MYO9B: variants seen among roughly 807,000 people sequenced by gnomAD.
MYO9B encodes unconventional myosin-IXb.
In MYO9B, 71 loss-of-function variants were observed where a neutral mutation model predicts 229.5. That is an observed-to-expected ratio of 0.31 (90% CI 0.26 to 0.38). The LOEUF (loss-of-function observed/expected upper bound fraction) is 0.38. Ranked by LOEUF, MYO9B falls within the 10% of genes least tolerant of loss-of-function variation. The probability of loss-of-function intolerance (pLI) is 1.00; values close to 1 mark genes in which losing one functional copy is unlikely to be tolerated. For missense variants in MYO9B, 2,255 were observed against 2,920.5 expected, an observed-to-expected ratio of 0.77 and a Z score of 5.25; for synonymous variants, 1,185 against 1,235.8, an observed-to-expected ratio of 0.96 and a Z score of 0.86.
Position 17,156,977 on chromosome 19 carries a change from G to T in MYO9B, c.1268G>T (p.Arg423Leu). 1 of 1,613,894 alleles carries T rather than the reference G, an allele frequency of 6.2e-7. No homozygotes were observed. The highest frequency in any genetic ancestry group is 8.5e-7 in the Non-Finnish European group (1 of 1,179,870). ...NVTYKKRATG[R>L]EEGLEVGPPE... ...ACTTATAAGAAGAGAGCTACAGGCCGAGAGGAAGGGTTGGAGGTCGGGCCA... is the reference window on the plus strand; with the variant it reads ...ACTTATAAGAAGAGAGCTACAGGCCTAGAGGAAGGGTTGGAGGTCGGGCCA... The change falls in exon 7 of 40, where the codon CGA (arginine) becomes CTA (leucine). Residue 423 changes from arginine to leucine, a missense_variant. This residue lies in a region of MYO9B where 220 missense variants were observed against 404.5 expected (regional missense o/e 0.54). Coordinates refer to ENST00000682292, the MANE Select transcript of MYO9B (RefSeq NM_004145.4).
At chr19:17,136,846 C>T (rs1273792303) in intron 2 of MYO9B, among the ~76,000 whole-genome samples, 1 of 152,162 alleles carries the variant, frequency 6.6e-6, no homozygotes, top group African/African-American at 2.4e-5. Flanking sequence ...AATCTCAGCA[C>T]TTTGGGAGGC....
Position 17,143,876 on chromosome 19 carries a change from G to A in MYO9B, c.841-1521G>A, listed in dbSNP as rs988955307. Among the ~76,000 whole-genome samples the A allele has an allele frequency of 1.2e-4, 19 of 152,126 alleles. 1 individual carries two copies. The highest frequency in any genetic ancestry group is 4.2e-4 in the South Asian group (2 of 4,810). ...GTGGAGGTTGCAGTGAGCCGAGATC[G>A]TGCCACTGCACCCCAGCCTGGGCAA... On this transcript the variant is annotated intron_variant, in intron 2 of 39. Coordinates refer to ENST00000682292, the MANE Select transcript of MYO9B (RefSeq NM_004145.4).
At chr19:17,211,441 A>AT (rs930695152) in intron 38 of MYO9B, among the ~76,000 whole-genome samples, 8 of 151,730 alleles carry the variant, frequency 5.3e-5, no homozygotes, top group Admixed American at 4.6e-4. Flanking sequence ...CGCCTGGCTA[A>AT]TTTTTTTTAC....
chr19:17,119,333 C>T (rs571609799), intron 2 of MYO9B, among the ~76,000 whole-genome samples: 8 of 152,326 alleles, frequency 5.3e-5, no homozygotes, highest in African/African-American at 1.7e-4. Flanking sequence ...CTCCCACTGC[C>T]TTGCACCCTG....
At chr19:17,186,641 G>A (rs538800728) in intron 18 of MYO9B, among the ~76,000 whole-genome samples, 1 of 152,220 alleles carries the variant, frequency 6.6e-6, no homozygotes, top group East Asian at 1.9e-4. Context: ...AACCCATTTT[G>A]TGCACTGGAG....
intron 3 of MYO9B, among the ~76,000 whole-genome samples, chr19:17,151,948 G>A (rs1178087584): frequency 6.6e-6 from 1 of 152,078 alleles, no homozygotes; most frequent in Non-Finnish European, 1.5e-5. Flanking sequence ...AGCATATTGG[G>A]AGGCTGAGGC....
intron 30 of MYO9B, among the ~76,000 whole-genome samples, chr19:17,203,612 CAAAA>C (rs5827362): frequency 3.3e-5 from 4 of 119,492 alleles, no homozygotes; most frequent in Non-Finnish European, 7.0e-5. Flanking sequence ...GACTCTGTCT[CAAAA>C]AAAAAAAAAA....
chr19:17,082,784 T>C (rs2057545181), intron 1 of MYO9B, among the ~76,000 whole-genome samples: 1 of 152,106 alleles, frequency 6.6e-6, no homozygotes, highest in Non-Finnish European at 1.5e-5. Flanking sequence ...ACTGGTTCCT[T>C]TCCCCTGGGT....
intron 1 of MYO9B, among the ~76,000 whole-genome samples, chr19:17,078,275 G>C (rs1049443413): frequency 6.6e-6 from 1 of 152,142 alleles, no homozygotes; most frequent in African/African-American, 2.4e-5. Flanking sequence ...GCTGGGCCGC[G>C]GTGGCTCAGG....
intron 2 of MYO9B, among the ~76,000 whole-genome samples, chr19:17,124,588 A>G (rs771501377): frequency 6.6e-5 from 10 of 151,952 alleles, no homozygotes; most frequent in Non-Finnish European, 1.5e-4. Flanking sequence ...CCTGGCCAAC[A>G]TGGCAAAACC....
intron 2 of MYO9B, among the ~76,000 whole-genome samples, chr19:17,104,112 A>G (rs1364470351): frequency 6.6e-6 from 1 of 152,030 alleles, no homozygotes; most frequent in African/African-American, 2.4e-5. Context: ...GAACATGGCC[A>G]TTCATTCTCA....
chr19:17,181,241 C>T (rs908523014), intron 15 of MYO9B, among the ~76,000 whole-genome samples: 26 of 152,234 alleles, frequency 1.7e-4, no homozygotes, highest in African/African-American at 5.8e-4. Flanking sequence ...CAGGCACAGC[C>T]GGCTTCCCAG....
At chr19:17,083,969 A>G (rs1401816364) in intron 1 of MYO9B, among the ~76,000 whole-genome samples, 1 of 151,960 alleles carries the variant, frequency 6.6e-6, no homozygotes, top group East Asian at 1.9e-4. Flanking sequence ...TAAATACACA[A>G]AGTGAATGGG....
intron 1 of MYO9B, among the ~76,000 whole-genome samples, chr19:17,076,785 T>C (rs1004309535): frequency 4.6e-5 from 7 of 152,150 alleles, no homozygotes; most frequent in African/African-American, 1.7e-4. Flanking sequence ...GGGCCGGAAC[T>C]GTGTTTCAGG....
Position 17,102,567 on chromosome 19 carries a change from G to A in MYO9B, c.840+10G>A. The A allele has an allele frequency of 6.4e-7, 1 of 1,564,356 alleles. No individual in the cohort carries two copies. Among genetic ancestry groups the A allele is most frequent in the Non-Finnish European group, 8.7e-7 (1 of 1,153,496 alleles). On this transcript the variant is annotated intron_variant, in intron 2 of 39. Coordinates refer to ENST00000682292, the MANE Select transcript of MYO9B (RefSeq NM_004145.4). The stretch of plus-strand genomic sequence containing the variant: ...TGGCCCTGTGCTGGAGGTGAGCGGG[G>A]AAGCTGGTCGGTCTGTGGGAGGGGG...
chr19:17,159,127 G>GAGGTTGCA (rs997183285), intron 7 of MYO9B, among the ~76,000 whole-genome samples: 4 of 152,124 alleles, frequency 2.6e-5, no homozygotes, highest in African/African-American at 9.7e-5. Flanking sequence ...CCAGGAGGCA[G>GAGGTTGCA]AGGTTGCAGT....
chr19:17,092,970 CTG>C (rs2057653028), intron 1 of MYO9B, among the ~76,000 whole-genome samples: 1 of 152,144 alleles, frequency 6.6e-6, no homozygotes, highest in Admixed American at 6.6e-5. Context: ...TGTGTTTCCT[CTG>C]TGTACATGCA....
At chr19:17,115,462 CAG>C (rs1324206988) in intron 2 of MYO9B, among the ~76,000 whole-genome samples, 1 of 147,186 alleles carries the variant, frequency 6.8e-6, no homozygotes, top group East Asian at 2.0e-4. Context: ...GACCATTTCA[CAG>C]ATGCCTTTTT....
In MYO9B at chr19:17,172,368, C is replaced by A; in HGVS notation, c.1826C>A (p.Ala609Asp). The part of the protein sequence containing the change: ...FPHATSQTLL[A>D]KFKQQHEDNK... ...CACGCCACGAGCCAGACCCTGCTGG[C>A]CAAGTTCAAACAGCAACATGAGGAC... The change falls in exon 12 of 40, where the codon GCC (alanine) becomes GAC (aspartate). Residue 609 changes from alanine (A) to aspartate (D), a missense_variant. Physicochemically the swap from Ala to Asp is moderately radical, Grantham distance 126. This residue lies in a region of MYO9B where 220 missense variants were observed against 404.5 expected (regional missense o/e 0.54). Coordinates refer to ENST00000682292, the MANE Select transcript of MYO9B (RefSeq NM_004145.4). This position sits in a 1 kb window ranked among gnomAD's most constrained non-coding sequence, Gnocchi z 8.2. 6.2e-7 allele frequency: 1 copy of A among 1,614,012 alleles called. No individual in the cohort carries two copies. Among genetic ancestry groups the A allele is most frequent in the Admixed American group, 1.7e-5 (1 of 60,008 alleles).
Sources: allele counts gnomAD v4.1 joint callset (sites outside exome capture counted in the v4.1 genomes callset), GRCh38; gene constraint gnomAD v4.1.1; regional missense constraint gnomAD v4.1.1; non-coding constraint Gnocchi (gnomAD v3.1); transcripts MANE v1.5; gene names NCBI Gene and HGNC (gene_info 2026-07-23, HGNC 2026-07-21).